MED13L: variants seen among roughly 807,000 people sequenced by gnomAD.
MED13L encodes the protein mediator complex subunit 13L, also known as mediator of RNA polymerase II transcription subunit 13-like.
Under a neutral mutation model 220.9 loss-of-function variants are expected in MED13L, and 7 were observed. The ratio of observed to expected loss-of-function variants is 0.03; its 90% CI spans 0.02 to 0.06. The LOEUF is 0.06. Ranked by LOEUF, MED13L falls within the 10% of genes least tolerant of loss-of-function variation. The probability of loss-of-function intolerance (pLI) is 1.00; values close to 1 mark genes in which losing one functional copy is unlikely to be tolerated. For synonymous variants in MED13L, 1,011 were observed against 1,015.2 expected, an observed-to-expected ratio of 1.00 and a Z score of 0.08; for missense variants, 1,965 against 2,760.5, an observed-to-expected ratio of 0.71 and a Z score of 6.46.
intron 4 of MED13L, among the ~76,000 whole-genome samples, chr12:116,080,701 T>C (rs759579154): frequency 8.5e-5 from 13 of 152,340 alleles, no homozygotes; most frequent in East Asian, 1.9e-4. Context: ...TCAATGCAGA[T>C]AGAAAATAAC....
At chr12:116,092,975 C>G (rs1001357265) in intron 4 of MED13L, among the ~76,000 whole-genome samples, 2 of 152,128 alleles carry the variant, frequency 1.3e-5, no homozygotes, top group African/African-American at 4.8e-5. Flanking sequence ...CAGAAAAGAT[C>G]AAAGGCCCAC....
At chr12:116,087,485 T>C (rs1277947601) in intron 4 of MED13L, among the ~76,000 whole-genome samples, 1 of 152,218 alleles carries the variant, frequency 6.6e-6, no homozygotes. Flanking sequence ...CTAACTCTAA[T>C]CTACAATGCT....
chr12:116,150,538 C>T (rs1877955496), intron 2 of MED13L, among the ~76,000 whole-genome samples: 1 of 152,110 alleles, frequency 6.6e-6, no homozygotes, highest in Non-Finnish European at 1.5e-5. Flanking sequence ...ATTCTGCTCT[C>T]GTGTTCCACT....
At chr12:115,995,382 GA>G (rs2137322981) in intron 16 of MED13L, among the ~76,000 whole-genome samples, 1 of 152,264 alleles carries the variant, frequency 6.6e-6, no homozygotes, top group South Asian at 2.1e-4. Flanking sequence ...TATTTATTAA[GA>G]AATTATTCAT....
At chr12:116,268,068 T>C (rs1273573197) in intron 1 of MED13L, among the ~76,000 whole-genome samples, 4 of 152,180 alleles carry the variant, frequency 2.6e-5, no homozygotes, top group Non-Finnish European at 5.9e-5. Context: ...GAATGGAGAA[T>C]AATCGTCCAG....
Position 116,007,440 on chromosome 12 carries a change from T to C in MED13L, c.2209A>G (p.Thr737Ala). The C allele has an allele frequency of 1.2e-6, 2 of 1,613,748 alleles. No individual in the cohort carries two copies. The highest frequency in any genetic ancestry group is 1.7e-6 in the Non-Finnish European group (2 of 1,179,664). Reference protein sequence around the residue: ...FTANKKCKQGTEKDSLKKNKS... With the variant: ...FTANKKCKQGAEKDSLKKNKS... ...TTCTTTTTCAGGGAATCTTTCTCCG[T>C]CCCTTGTTTGCATTTCTTGTTGGCT... Residue 737 changes from threonine (T) to alanine (A), a missense_variant, in exon 11 of 31, where the codon ACG becomes GCG. Transcript: ENST00000281928.
At chr12:116,031,763 G>GAAAAGAAAAGAAAAGAAAA (rs1566020961) in intron 4 of MED13L, among the ~76,000 whole-genome samples, 4 of 102,230 alleles carry the variant, frequency 3.9e-5, no homozygotes, top group Admixed American at 9.7e-5. Context: ...AAGAAAAGAA[G>GAAAAGAAAAGAAAAGAAAA]GAAGGAAGGA....
intron 4 of MED13L, among the ~76,000 whole-genome samples, chr12:116,073,993 T>A (rs1300923800): frequency 6.6e-6 from 1 of 152,236 alleles, no homozygotes; most frequent in Non-Finnish European, 1.5e-5. Context: ...AACAGGGTCA[T>A]GTGGTTATCA....
At chr12:116,230,238 A>C (rs1362283567) in intron 2 of MED13L, among the ~76,000 whole-genome samples, 2 of 151,918 alleles carry the variant, frequency 1.3e-5, no homozygotes, top group Non-Finnish European at 2.9e-5. Context: ...CTACTCAAAA[A>C]AAATACAAAA....
intron 2 of MED13L, among the ~76,000 whole-genome samples, chr12:116,231,134 C>T (rs1869517548): frequency 6.6e-6 from 1 of 152,068 alleles, no homozygotes. Context: ...CGGAATTTTT[C>T]GGTTGGTTTA....
chr12:116,059,925 C>T (rs1017983783), intron 4 of MED13L, among the ~76,000 whole-genome samples: 1 of 152,236 alleles, frequency 6.6e-6, no homozygotes, highest in South Asian at 2.1e-4. Context: ...TTACTTTTTA[C>T]ATAATACAAA....
intron 1 of MED13L, among the ~76,000 whole-genome samples, chr12:116,263,685 C>T (rs559224065): frequency 4.7e-4 from 71 of 152,342 alleles, no homozygotes; most frequent in African/African-American, 1.6e-3. Context: ...AAGAGATTAT[C>T]TCAACAGGAT....
chr12:116,120,578 G>T (rs548857078), intron 2 of MED13L, among the ~76,000 whole-genome samples: 1 of 146,312 alleles, frequency 6.8e-6, no homozygotes, highest in South Asian at 2.3e-4. Flanking sequence ...GTTAGCCTAC[G>T]TTTCTACAAA....
At chr12:116,195,536 C>T (rs1018654494) in intron 2 of MED13L, among the ~76,000 whole-genome samples, 50 of 152,174 alleles carry the variant, frequency 3.3e-4, no homozygotes, top group Admixed American at 3.0e-3. Context: ...CTGCAACCTC[C>T]GCCTCCCAGG....
Position 116,232,403 on chromosome 12 carries a change from T to C in MED13L, c.310+5065A>G, listed in dbSNP as rs532337671. Among the ~76,000 whole-genome samples, 3 of 152,290 alleles carry C rather than the reference T, an allele frequency of 2.0e-5. No individual in the cohort carries two copies. In the South Asian group the frequency reaches 6.2e-4, roughly 32 times the overall value. ...AGTGCTAAATATTTGTGGTAGAAAA[T>C]ATACCCCAAAAATTGGCTATTTCTA... On this transcript the variant is annotated intron_variant, in intron 2 of 30. Coordinates refer to ENST00000281928, the MANE Select transcript of MED13L (RefSeq NM_015335.5).
At chr12:116,112,913 CCAT>C (rs1380265733) in intron 2 of MED13L, among the ~76,000 whole-genome samples, 2 of 152,098 alleles carry the variant, frequency 1.3e-5, no homozygotes, top group Admixed American at 1.3e-4. Flanking sequence ...CCCTAAGGCA[CCAT>C]CAAGTTTGAG....
In MED13L at chr12:115,963,470, G is replaced by A; in HGVS notation, c.6437C>T (p.Pro2146Leu). 6.2e-7 allele frequency: 1 copy of A among 1,614,220 alleles called. No individual in the cohort carries two copies. Among genetic ancestry groups the A allele is most frequent in the Non-Finnish European group, 8.5e-7 (1 of 1,180,036 alleles). Residue 2146 changes from proline to leucine, a missense_variant, in exon 30 of 31, where the codon CCT becomes CTT. Transcript: ENST00000281928. ...TGGAACCCGCTGAGAATTCCTGGCA[G>A]GCAGAAGTTCGTCTGTCTGTGCTAC... ...ISVAQTDELL[P>L]ARNSQRVPHP...
chr12:116,091,222 A>T (rs1217187678), intron 4 of MED13L, among the ~76,000 whole-genome samples: 1 of 152,050 alleles, frequency 6.6e-6, no homozygotes, highest in South Asian at 2.1e-4. Flanking sequence ...AGGTATTTTC[A>T]ATCCTTCTTG....
At chr12:115,961,610 T>C in intron 30 of MED13L, 3 of 662,260 alleles carry the variant, frequency 4.5e-6, no homozygotes, top group South Asian at 3.6e-5. Context: ...CACATGGCCA[T>C]TGAGCTCCGC....
Sources: allele counts gnomAD v4.1 joint callset (sites outside exome capture counted in the v4.1 genomes callset), GRCh38; gene constraint gnomAD v4.1.1; transcripts MANE v1.5; gene names NCBI Gene and HGNC (gene_info 2026-07-23, HGNC 2026-07-21).